Variants in CUX1 observed in about 807,000 individuals in gnomAD.
The protein encoded by CUX1 is protein CASP.
In CUX1, 31 loss-of-function variants were observed where a neutral mutation model predicts 158.8. That is an observed-to-expected ratio of 0.20 (90% CI 0.15 to 0.26). The LOEUF (loss-of-function observed/expected upper bound fraction) is 0.26, where lower values mean the gene tolerates loss of function less well. CUX1 is among the 10% of genes least tolerant of loss of function. The pLI is 1.00. For synonymous variants in CUX1, 879 were observed against 862.1 expected (o/e 1.02, Z -0.34); for missense variants, 1,589 against 2,014.6 (o/e 0.79, Z 4.04).
At chr7:102,042,190 C>T (rs760750773) in intron 3 of CUX1, among the ~76,000 whole-genome samples, 16 of 152,180 alleles carry the variant, frequency 1.1e-4, no homozygotes, top group Admixed American at 5.9e-4. Context: ...CCCAAAGCTG[C>T]TGCTGGGTTG....
intron 3 of CUX1, among the ~76,000 whole-genome samples, chr7:102,046,101 A>G (rs1822754954): frequency 6.6e-6 from 1 of 152,196 alleles, no homozygotes; most frequent in African/African-American, 2.4e-5. Flanking sequence ...GGCAAAGTTG[A>G]CTCAAAACCT....
chr7:102,279,268 G>A (rs1269881296), intron 18 of CUX1, among the ~76,000 whole-genome samples: 1 of 152,212 alleles, frequency 6.6e-6, no homozygotes, highest in Non-Finnish European at 1.5e-5. Flanking sequence ...TTGAACCTGA[G>A]AGGTGGAGGT....
At chr7:102,020,075 A>G (rs1819168392) in intron 2 of CUX1, among the ~76,000 whole-genome samples, 1 of 152,234 alleles carries the variant, frequency 6.6e-6, no homozygotes, top group South Asian at 2.1e-4. Flanking sequence ...TTGACTGCTG[A>G]TAAATAATTA....
chr7:101,872,144 T>G lies in CUX1; in HGVS notation c.31-43971T>G, dbSNP rs527538636. Among the ~76,000 whole-genome samples the G allele has an allele frequency of 9.1e-4, 138 of 152,288 alleles. 1 individual carries two copies. The highest frequency in any genetic ancestry group is 8.8e-4 in the Non-Finnish European group (60 of 68,024). On this transcript the variant is annotated intron_variant, in intron 1 of 23. Transcript: ENST00000292535. Reference sequence around the variant, plus strand: ...AAGGATATTTTATTTATTTGTTTATTTATTTTTGAGACAGAGTCTCTCTCT... The same window carrying G: ...AAGGATATTTTATTTATTTGTTTATGTATTTTTGAGACAGAGTCTCTCTCT...
intron 3 of CUX1, among the ~76,000 whole-genome samples, chr7:102,061,109 G>A (rs1011112380): frequency 6.7e-6 from 1 of 149,882 alleles, no homozygotes; most frequent in Non-Finnish European, 1.5e-5. Flanking sequence ...ATTTTCAATA[G>A]AGACAGGTTT....
intron 3 of CUX1, among the ~76,000 whole-genome samples, chr7:102,043,915 G>A (rs755290149): frequency 1.3e-5 from 2 of 152,068 alleles, no homozygotes; most frequent in Non-Finnish European, 2.9e-5. Context: ...ACCTCATCGT[G>A]GTTTTGAGTC....
intron 3 of CUX1, among the ~76,000 whole-genome samples, chr7:102,067,167 G>A (rs1167306983): frequency 1.3e-5 from 2 of 148,762 alleles, no homozygotes; most frequent in African/African-American, 4.9e-5. Context: ...CCCAGTCTGA[G>A]ACCACTCTTA....
rs192068034 is a variant in CUX1 at position 102,210,985 on chromosome 7, C to T, written c.3130+5815C>T. Among the ~76,000 whole-genome samples, 307 of 152,284 alleles carry T rather than the reference C, an allele frequency of 2.0e-3. 8 individuals are homozygous for T. The highest frequency in any genetic ancestry group is 0.018 in the Admixed American group (271 of 15,296). On this transcript the variant is annotated intron_variant, in intron 20 of 23. Transcript: ENST00000292535. ...CAGCCAGGAACACGTGTCCAGGGCTCGTGAGCTTTGAACTCTGCAGTAAGA... is the reference window on the plus strand; with the variant it reads ...CAGCCAGGAACACGTGTCCAGGGCTTGTGAGCTTTGAACTCTGCAGTAAGA...
intron 8 of CUX1, among the ~76,000 whole-genome samples, chr7:102,137,368 G>A (rs1202877656): frequency 1.6e-4 from 25 of 152,300 alleles, no homozygotes; most frequent in African/African-American, 6.0e-4. Flanking sequence ...GGGCGCGGTG[G>A]CTCACACCTG....
In CUX1 at chr7:102,257,509, TG is replaced by T; in HGVS notation, c.*8472del. On this transcript the variant is annotated 3_prime_UTR_variant, in exon 24 of 24. Transcript: ENST00000292535. The stretch of plus-strand genomic sequence containing the variant: ...AGAATAGCTTGTTATAAAATAAAAG[TG>T]GGGGTAAAAAGAAGGTGGTTTTCCC... 1 of 985,296 alleles carries T rather than the reference TG, an allele frequency of 1.0e-6. No homozygotes were observed. Among genetic ancestry groups the T allele is most frequent in the Non-Finnish European group, 1.2e-6 (1 of 829,894 alleles). The allele number at this position is 985,296 out of a possible 1,614,324, so 61.0% of individuals were successfully genotyped here.
intron 1 of CUX1, among the ~76,000 whole-genome samples, chr7:101,899,135 C>G (rs1801873757): frequency 6.6e-6 from 1 of 152,212 alleles, no homozygotes; most frequent in African/African-American, 2.4e-5. Flanking sequence ...GGTCCAGACC[C>G]TGGGTGGTAG....
chr7:102,038,368 A>G lies in CUX1; in HGVS notation c.189+10223A>G, dbSNP rs1821688755. ...AGATATTCAAAATGCTCGCATGTCA[A>G]TGGGGGGAGAAACCCAGTAAGGAAA... On this transcript the variant is annotated intron_variant, in intron 3 of 23. Transcript: ENST00000292535. Among the ~76,000 whole-genome samples the G allele has an allele frequency of 2.0e-5, 3 of 152,300 alleles. 1 individual carries two copies. The highest frequency in any genetic ancestry group is 7.2e-5 in the African/African-American group (3 of 41,580).
At chr7:102,200,970 T>C (rs2132025700) in intron 17 of CUX1, among the ~76,000 whole-genome samples, 1 of 129,506 alleles carries the variant, frequency 7.7e-6, no homozygotes, top group East Asian at 2.2e-4. Flanking sequence ...GTGGGTACAG[T>C]GAGCCGTGAT....
intron 20 of CUX1, among the ~76,000 whole-genome samples, chr7:102,216,968 C>T (rs1797292402): frequency 6.6e-6 from 1 of 152,084 alleles, no homozygotes; most frequent in Non-Finnish European, 1.5e-5. Context: ...TGTTTTTTCC[C>T]GTCTTAGTAA....
chr7:101,988,068 T>C (rs1882763), intron 2 of CUX1, among the ~76,000 whole-genome samples: 25,878 of 151,984 alleles, frequency 0.17, 2,453 homozygotes, highest in Middle Eastern at 0.22. Context: ...AAAAATTAGC[T>C]GGGCGTGGTG....
At chr7:102,008,158 G>A (rs912920967) in intron 2 of CUX1, among the ~76,000 whole-genome samples, 1 of 152,204 alleles carries the variant, frequency 6.6e-6, no homozygotes, top group Admixed American at 6.5e-5. Context: ...TGGTCTCTGC[G>A]TACTACCTTT....
At chr7:101,909,959 GC>G (rs1487388378) in intron 1 of CUX1, among the ~76,000 whole-genome samples, 2 of 152,040 alleles carry the variant, frequency 1.3e-5, no homozygotes, top group Non-Finnish European at 2.9e-5. Flanking sequence ...TCGCTCTGCT[GC>G]CCAGGCTGAA....
intron 3 of CUX1, among the ~76,000 whole-genome samples, chr7:102,044,317 G>A (rs930753213): frequency 2.6e-5 from 4 of 152,084 alleles, no homozygotes; most frequent in African/African-American, 9.7e-5. Flanking sequence ...AGCCTCCCAA[G>A]TAGCTGGGGT....
intron 10 of CUX1, among the ~76,000 whole-genome samples, chr7:102,172,774 AT>A (rs2131711205): frequency 6.6e-6 from 1 of 152,248 alleles, no homozygotes; most frequent in East Asian, 1.9e-4. Context: ...TAATTAAAAC[AT>A]TTGTTGCTGG....
Sources: allele counts gnomAD v4.1 joint callset (sites outside exome capture counted in the v4.1 genomes callset), GRCh38; gene constraint gnomAD v4.1.1; transcripts MANE v1.5; gene names NCBI Gene and HGNC (gene_info 2026-07-23, HGNC 2026-07-21).